LMX1A: variants seen among roughly 807,000 people sequenced by gnomAD.
LMX1A encodes LIM homeobox transcription factor 1 alpha.
Under a neutral mutation model 49.1 loss-of-function variants are expected in LMX1A, and 15 were observed. The observed-to-expected ratio is 0.31, with a 90% confidence interval of 0.20 to 0.47. LMX1A has a LOEUF of 0.47. Among genes scored for constraint, LMX1A ranks in the 20% least tolerant of loss-of-function variants. LMX1A has a pLI of 1.00. For missense variants in LMX1A, 372 were observed against 475.8 expected (o/e 0.78, Z 2.03); for synonymous variants, 167 against 185.7 (o/e 0.90, Z 0.82).
At chr1:165,321,270 A>C (rs1269839196) in intron 3 of LMX1A, among the ~76,000 whole-genome samples, 1 of 152,164 alleles carries the variant, frequency 6.6e-6, no homozygotes, top group East Asian at 1.9e-4. Context: ...GCTAATGGAT[A>C]CAGAGTTTCT....
At chr1:165,350,401 C>A (rs889871111) in intron 3 of LMX1A, among the ~76,000 whole-genome samples, 1 of 152,138 alleles carries the variant, frequency 6.6e-6, no homozygotes, top group South Asian at 2.1e-4. Flanking sequence ...AACACAGATG[C>A]AAAAAGTGTT....
At position 165,208,150 on chromosome 1, in the gene LMX1A, A is replaced by G; in HGVS notation, c.748-18T>C. On this transcript the variant is annotated intron_variant, in intron 6 of 8. Coordinates refer to ENST00000342310, the MANE Select transcript of LMX1A (RefSeq NM_177398.4). ...TTCTTCATCTGATAAGGAGAGGACC[A>G]TAGGATTAGAAGTCAGGTGGCCTGC... 1 of 1,612,802 alleles carries G rather than the reference A, an allele frequency of 6.2e-7. No individual in the cohort carries two copies. The highest frequency in any genetic ancestry group is 8.5e-7 in the Non-Finnish European group (1 of 1,179,194).
At chr1:165,290,326 G>C (rs1311435073) in intron 3 of LMX1A, among the ~76,000 whole-genome samples, 1 of 152,208 alleles carries the variant, frequency 6.6e-6, no homozygotes, top group East Asian at 1.9e-4. Context: ...TCCCTCTAGA[G>C]GCTTAAGGGA....
At chr1:165,220,541 G>T (rs1651804187) in intron 4 of LMX1A, among the ~76,000 whole-genome samples, 3 of 152,182 alleles carry the variant, frequency 2.0e-5, no homozygotes, top group Non-Finnish European at 2.9e-5. Flanking sequence ...CCTCAAAGAG[G>T]TGCAGAAACC....
chr1:165,317,318 C>T (rs1389512530), intron 3 of LMX1A, among the ~76,000 whole-genome samples: 1 of 152,104 alleles, frequency 6.6e-6, no homozygotes, highest in Non-Finnish European at 1.5e-5. Flanking sequence ...ATGGGAAATA[C>T]CTGAATATTT....
intron 4 of LMX1A, among the ~76,000 whole-genome samples, chr1:165,240,260 T>C (rs935440149): frequency 3.3e-5 from 5 of 152,206 alleles, no homozygotes; most frequent in African/African-American, 1.2e-4. Flanking sequence ...TAAAATATGA[T>C]TTAAATATAT....
intron 3 of LMX1A, among the ~76,000 whole-genome samples, chr1:165,289,057 C>A (rs1298046076): frequency 6.6e-6 from 1 of 152,134 alleles, no homozygotes; most frequent in Non-Finnish European, 1.5e-5. Context: ...ACAAAACACC[C>A]ACACCAGAGA....
chr1:165,214,150 A>G lies in LMX1A; in HGVS notation c.497-337T>C, dbSNP rs536721956. On this transcript the variant is annotated intron_variant, in intron 4 of 8. Transcript: ENST00000342310. The stretch of plus-strand genomic sequence containing the variant: ...AATCTCCACGTGTTGATGGAGGGAC[A>G]TGGTGGGAGGTGACTGGATCATGGG... Among the ~76,000 whole-genome samples, 97 of 152,220 alleles carry G rather than the reference A, an allele frequency of 6.4e-4. No individual in the cohort carries two copies. In the South Asian group the frequency reaches 0.02, roughly 31 times the overall value.
chr1:165,271,118 G>T (rs1419060322), intron 3 of LMX1A, among the ~76,000 whole-genome samples: 1 of 152,152 alleles, frequency 6.6e-6, no homozygotes, highest in African/African-American at 2.4e-5. Context: ...CTTTACCAAG[G>T]CTAGCCTTGG....
In LMX1A at chr1:165,355,366, G is replaced by C; in HGVS notation, c.76+118C>G. ...ACAGATAGTGATGGGGCTCAATTTA[G>C]TGTATGAAGAGGGGCGCTAGCTTCC... On this transcript the variant is annotated intron_variant, in intron 2 of 8. Transcript: ENST00000342310. This position sits in a 1 kb window ranked among gnomAD's most constrained non-coding sequence, Gnocchi z 4.7. The C allele has an allele frequency of 1.1e-6, 1 of 892,042 alleles. No homozygotes were observed. Among genetic ancestry groups the C allele is most frequent in the Non-Finnish European group, 1.8e-6 (1 of 562,672 alleles). The allele number at this position is 892,042 out of a possible 1,614,324, so 55.3% of individuals were successfully genotyped here. A position where few individuals can be genotyped will look rare whatever the true frequency, so the allele number is the denominator to read the frequency against.
chr1:165,325,411 A>G (rs796452903), intron 3 of LMX1A, among the ~76,000 whole-genome samples: 29 of 152,020 alleles, frequency 1.9e-4, no homozygotes, highest in Middle Eastern at 3.4e-3. Flanking sequence ...TCATTGTTCA[A>G]TTTAGATCAC....
chr1:165,252,012 A>G (rs1443671049), intron 3 of LMX1A, among the ~76,000 whole-genome samples: 1 of 152,118 alleles, frequency 6.6e-6, no homozygotes, highest in African/African-American at 2.4e-5. Flanking sequence ...TGTTGTTAAG[A>G]TGTTAGGCCA....
chr1:165,272,862 C>T (rs1653846041), intron 3 of LMX1A, among the ~76,000 whole-genome samples: 1 of 152,080 alleles, frequency 6.6e-6, no homozygotes, highest in Non-Finnish European at 1.5e-5. Context: ...TGGAGAAGTC[C>T]CCAGACAACA....
At chr1:165,268,794 T>C (rs1447999142) in intron 3 of LMX1A, among the ~76,000 whole-genome samples, 1 of 152,236 alleles carries the variant, frequency 6.6e-6, no homozygotes, top group African/African-American at 2.4e-5. Flanking sequence ...AAGCAGTTTG[T>C]AAAATAGTAC....
rs374221756 is a variant in LMX1A, at chr1:165,287,672, G to A, written c.264-38032C>T. On this transcript the variant is annotated intron_variant, in intron 3 of 8. Coordinates refer to ENST00000342310, the MANE Select transcript of LMX1A (RefSeq NM_177398.4). ...CCTGTGAGCCATGCTTAATACAGAGGTTTATTGAGGAATACTCTAACTCAA... is the reference window on the plus strand; with the variant it reads ...CCTGTGAGCCATGCTTAATACAGAGATTTATTGAGGAATACTCTAACTCAA... Among the ~76,000 whole-genome samples the A allele has an allele frequency of 2.6e-3, 402 of 151,998 alleles. 3 individuals are homozygous for A. Among genetic ancestry groups the A allele is most frequent in the African/African-American group, 9.1e-3 (378 of 41,414 alleles).
chr1:165,294,024 C>T (rs949280342), intron 3 of LMX1A, among the ~76,000 whole-genome samples: 1 of 152,206 alleles, frequency 6.6e-6, no homozygotes, highest in African/African-American at 2.4e-5. Context: ...GAGATGGGCA[C>T]TATCATTAGG....
At chr1:165,275,466 G>T (rs896452188) in intron 3 of LMX1A, among the ~76,000 whole-genome samples, 1 of 152,148 alleles carries the variant, frequency 6.6e-6, no homozygotes, top group Non-Finnish European at 1.5e-5. Flanking sequence ...AATCCGACTG[G>T]GGTGACAGAG....
At chr1:165,295,647 C>T (rs1018227181) in intron 3 of LMX1A, among the ~76,000 whole-genome samples, 1 of 151,896 alleles carries the variant, frequency 6.6e-6, no homozygotes, top group Non-Finnish European at 1.5e-5. Flanking sequence ...ATTCCACATA[C>T]TTGTGTGTAA....
chr1:165,320,370 T>C (rs1450563608), intron 3 of LMX1A, among the ~76,000 whole-genome samples: 1 of 152,220 alleles, frequency 6.6e-6, no homozygotes, highest in African/African-American at 2.4e-5. Flanking sequence ...ATGTGATTGT[T>C]AGCTAAGACA....
Sources: allele counts gnomAD v4.1 joint callset (sites outside exome capture counted in the v4.1 genomes callset), GRCh38; gene constraint gnomAD v4.1.1; non-coding constraint Gnocchi (gnomAD v3.1); transcripts MANE v1.5; gene names NCBI Gene and HGNC (gene_info 2026-07-23, HGNC 2026-07-21).